The following PPP4R4 variants were observed in gnomAD, a reference collection of about 807,000 sequenced individuals.
PPP4R4 encodes the protein serine/threonine-protein phosphatase 4 regulatory subunit 4.
PPP4R4 carries 70 observed loss-of-function variants against 121.8 expected under a neutral mutation model. That is an observed-to-expected ratio of 0.57 (90% confidence interval 0.47 to 0.70). The LOEUF is 0.70. Ranked by LOEUF, PPP4R4 falls within the 30% of genes least tolerant of loss-of-function variation. The pLI is 0.00. For synonymous variants in PPP4R4, 348 were observed against 355.7 expected (o/e 0.98, Z 0.24); for missense variants, 875 against 1,033.6 (o/e 0.85, Z 2.10).
chr14:94,244,118 A>G (rs1051519977), intron 11 of PPP4R4, among the ~76,000 whole-genome samples: 2 of 152,124 alleles, frequency 1.3e-5, no homozygotes, highest in African/African-American at 4.8e-5. Context: ...GGGGAACTGT[A>G]TTATTCTGGA....
At chr14:94,201,336 A>G (rs1890167199) in intron 2 of PPP4R4, among the ~76,000 whole-genome samples, 1 of 151,978 alleles carries the variant, frequency 6.6e-6, no homozygotes, top group South Asian at 2.1e-4. Context: ...ATCATCTGTT[A>G]AGTTCATTTG....
rs374432766 is a variant in PPP4R4, at chr14:94,227,206, T to C, written c.295-3381T>C. 14 of 1,137,264 alleles carry C rather than the reference T, an allele frequency of 1.2e-5. No individual in the cohort carries two copies. The African/African-American group carries it at 2.0e-4, about 16-fold the overall frequency. 70.4% of individuals were successfully genotyped at this position (1,137,264 alleles called of 1,614,324 possible). The stretch of plus-strand genomic sequence containing the variant: ...TCAAGTTGGGATGCCAGCCGTACAA[T>C]AGTAATGTAAGAGGAATGGTAACTG... On this transcript the variant is annotated intron_variant, in intron 3 of 24. Coordinates refer to ENST00000304338, the MANE Select transcript of PPP4R4 (RefSeq NM_058237.2).
At chr14:94,196,309 G>GTTTTTTTTTT (rs5810663) in intron 2 of PPP4R4, among the ~76,000 whole-genome samples, 1 of 88,354 alleles carries the variant, frequency 1.1e-5, no homozygotes, top group Non-Finnish European at 2.0e-5. Context: ...TCTTTCAAAG[G>GTTTTTTTTTT]TTTTTTTTTT....
intron 24 of PPP4R4, among the ~76,000 whole-genome samples, chr14:94,277,560 T>C (rs1894712877): frequency 6.6e-6 from 1 of 152,214 alleles, no homozygotes; most frequent in Non-Finnish European, 1.5e-5. Context: ...AATTCTTCTG[T>C]TGAAGAGCAT....
chr14:94,271,908 A>G (rs919270655), intron 23 of PPP4R4, among the ~76,000 whole-genome samples: 5 of 152,198 alleles, frequency 3.3e-5, no homozygotes, highest in Admixed American at 2.6e-4. Context: ...GCAAAATACC[A>G]TTTACTATCA....
chr14:94,185,210 T>C lies in PPP4R4; in HGVS notation c.191+9083T>C, dbSNP rs140311725. 6.7e-3 allele frequency among the ~76,000 whole-genome samples: 1,024 copies of C among 152,188 alleles called. 11 individuals carry two copies. Among genetic ancestry groups the C allele is most frequent in the African/African-American group, 0.022 (916 of 41,528 alleles). On this transcript the variant is annotated intron_variant, in intron 2 of 24. Coordinates refer to ENST00000304338, the MANE Select transcript of PPP4R4 (RefSeq NM_058237.2). ...TGAGCCCAAGTTCCCTAATGTAAAA[T>C]GGGAATAAATAGGCTGGGCATAGTG...
chr14:94,238,120 C>A (rs1345087748), intron 8 of PPP4R4, among the ~76,000 whole-genome samples: 2 of 152,178 alleles, frequency 1.3e-5, no homozygotes, highest in African/African-American at 2.4e-5. Context: ...TAACCCAGTC[C>A]CACGAGAGCT....
At chr14:94,216,820 C>T (rs1180933482) in intron 3 of PPP4R4, among the ~76,000 whole-genome samples, 1 of 152,104 alleles carries the variant, frequency 6.6e-6, no homozygotes, top group East Asian at 1.9e-4. Flanking sequence ...AACCCTCACT[C>T]CTCCAGGACC....
At chr14:94,270,832 C>T (rs756031043) in intron 23 of PPP4R4, among the ~76,000 whole-genome samples, 6 of 151,306 alleles carry the variant, frequency 4.0e-5, no homozygotes, top group East Asian at 4.0e-4. Flanking sequence ...ACAGGAGAAT[C>T]GCTTGAACCT....
chr14:94,214,535 G>T lies in PPP4R4; in HGVS notation c.294+5969G>T, dbSNP rs1331268431. 7.3e-5 allele frequency among the ~76,000 whole-genome samples: 11 copies of T among 150,366 alleles called. No homozygotes were observed. In the East Asian group the frequency reaches 2.2e-3, roughly 29 times the overall value. On this transcript the variant is annotated intron_variant, in intron 3 of 24. Transcript: ENST00000304338. ...AAAAAAAAACAGAAAAAAAAAGAAA[G>T]AAATAATAGGAAAAAATAATAATTT...
chr14:94,227,088 G>A (rs769404491), intron 3 of PPP4R4, among the ~76,000 whole-genome samples: 43 of 152,184 alleles, frequency 2.8e-4, no homozygotes, highest in Non-Finnish European at 5.0e-4. Context: ...ACACAGACGT[G>A]TCTACTGCAC....
intron 1 of PPP4R4, chr14:94,175,617 T>C (rs1442650103): frequency 1.2e-5 from 2 of 165,574 alleles, no homozygotes; most frequent in East Asian, 1.7e-4. Context: ...CCACTCCAGA[T>C]CTTGTCCTTT....
intron 9 of PPP4R4, 70 bp downstream of exon 9, chr14:94,240,865 A>C: frequency 7.1e-7 from 1 of 1,403,980 alleles, no homozygotes; most frequent in South Asian, 1.8e-5. Flanking sequence ...CAGTCATTAA[A>C]CTTTGGCTCT....
intron 3 of PPP4R4, among the ~76,000 whole-genome samples, chr14:94,218,239 GGGAA>G (rs1267261295): frequency 6.6e-6 from 1 of 152,024 alleles, no homozygotes; most frequent in Non-Finnish European, 1.5e-5. Flanking sequence ...AAGGAGAAAT[GGGAA>G]GGAAGAATTA....
At chr14:94,187,386 A>C (rs942957456) in intron 2 of PPP4R4, among the ~76,000 whole-genome samples, 4 of 152,214 alleles carry the variant, frequency 2.6e-5, no homozygotes, top group Non-Finnish European at 5.9e-5. Flanking sequence ...TTTGGCTAGC[A>C]TTTACAAAGT....
chr14:94,242,439 TTTG>T, intron 11 of PPP4R4, 31 bp downstream of exon 11: 2 of 1,581,958 alleles, frequency 1.3e-6, no homozygotes, highest in Non-Finnish European at 1.7e-6. Flanking sequence ...TCACTTTACG[TTTG>T]TTGTTAATTC....
intron 3 of PPP4R4, chr14:94,227,419 A>G (rs1891778887): frequency 6.3e-7 from 1 of 1,591,498 alleles, no homozygotes; most frequent in Non-Finnish European, 8.6e-7. Flanking sequence ...TCAGAAAAAT[A>G]TGTTTAGAAA....
chr14:94,273,569 C>G (rs1264745483), intron 23 of PPP4R4, among the ~76,000 whole-genome samples: 1 of 152,110 alleles, frequency 6.6e-6, no homozygotes, highest in Non-Finnish European at 1.5e-5. Flanking sequence ...AAATCCGTAG[C>G]ATGTACGCCA....
chr14:94,175,295 G>T (rs1412222750), intron 1 of PPP4R4, among the ~76,000 whole-genome samples: 1 of 151,662 alleles, frequency 6.6e-6, no homozygotes, highest in African/African-American at 2.4e-5. Flanking sequence ...ACCCTTTGCC[G>T]CCATCCTGAG....
Sources: allele counts gnomAD v4.1 joint callset (sites outside exome capture counted in the v4.1 genomes callset), GRCh38; gene constraint gnomAD v4.1.1; transcripts MANE v1.5; gene names NCBI Gene and HGNC (gene_info 2026-07-23, HGNC 2026-07-21).